The following METTL8 variants were observed in gnomAD, a reference collection of about 807,000 sequenced individuals.
METTL8 encodes methyltransferase 8, tRNA N3-cytidine.
In METTL8, 32 loss-of-function variants were observed where a neutral mutation model predicts 48.7. The ratio of observed to expected loss-of-function variants is 0.66; its 90% CI spans 0.50 to 0.88. The LOEUF is 0.88. Ranked by LOEUF, METTL8 falls within the 40% of genes least tolerant of loss-of-function variation. The pLI is 0.00. For missense variants in METTL8, 464 were observed against 474.4 expected, an observed-to-expected ratio of 0.98 and a Z score of 0.20; for synonymous variants, 136 against 157.1, an observed-to-expected ratio of 0.87 and a Z score of 1.01.
chr2:171,384,892 T>C (rs960545622), intron 2 of METTL8, among the ~76,000 whole-genome samples: 2 of 152,076 alleles, frequency 1.3e-5, no homozygotes, highest in African/African-American at 4.8e-5. Flanking sequence ...ATATAAGTAC[T>C]AGTAATACAA....
chr2:171,356,952 A>ATGTTTTTTTTTTTTGT, intron 3 of METTL8, among the ~76,000 whole-genome samples: 2 of 78,468 alleles, frequency 2.5e-5, no homozygotes, highest in South Asian at 5.2e-4. Context: ...CAAAGACAAT[A>ATGTTTTTTTTTTTTGT]TTTTTTTTTT....
chr2:171,423,629 C>A (rs1239287161), intron 1 of METTL8, among the ~76,000 whole-genome samples: 1 of 152,144 alleles, frequency 6.6e-6, no homozygotes, highest in African/African-American at 2.4e-5. Flanking sequence ...ATACTGGAGG[C>A]ATTTTGTCCC....
At chr2:171,408,785 G>A (rs904245971) in intron 1 of METTL8, among the ~76,000 whole-genome samples, 1 of 152,144 alleles carries the variant, frequency 6.6e-6, no homozygotes, top group Non-Finnish European at 1.5e-5. Context: ...CCTCTGGCAT[G>A]ATACCTAACT....
chr2:171,327,385 T>C (rs567200725), intron 7 of METTL8, among the ~76,000 whole-genome samples: 58 of 152,362 alleles, frequency 3.8e-4, no homozygotes, highest in Non-Finnish European at 6.6e-4. Context: ...ATAAAGCTCA[T>C]TGCGAGTTAC....
intron 3 of METTL8, among the ~76,000 whole-genome samples, chr2:171,351,395 G>A (rs545598314): frequency 3.4e-4 from 52 of 152,290 alleles, no homozygotes; most frequent in Middle Eastern, 3.4e-3. Context: ...GTCAGGTAGC[G>A]TGATGCCTCC....
At chr2:171,414,980 C>A (rs1691153202) in intron 1 of METTL8, among the ~76,000 whole-genome samples, 1 of 152,144 alleles carries the variant, frequency 6.6e-6, no homozygotes, top group Non-Finnish European at 1.5e-5. Context: ...CATTCTCTCT[C>A]TTGCCTGCTG....
chr2:171,404,063 A>ATATATG (rs1186291924), intron 1 of METTL8, among the ~76,000 whole-genome samples: 2 of 50,228 alleles, frequency 4.0e-5, no homozygotes, highest in East Asian at 4.3e-3. Flanking sequence ...ATATATATAT[A>ATATATG]TATATATATA....
chr2:171,326,043 C>G lies in METTL8; in HGVS notation c.966G>C (p.Lys322Asn). ...ACCTCAAACTGAATATACTATTACC[C>G]TTTTTAAAACGAAGCTGAGTCTTAT... ...RYDKTQLRFK[K>N]GHCLSENFYV... Residue 322 changes from lysine to asparagine, a missense_variant and splice_region_variant, in exon 8 of 10, where the codon AAG becomes AAC. Physicochemically the swap from Lys to Asn is moderately conservative, Grantham distance 94. Transcript: ENST00000375258. 6.6e-7 allele frequency: 1 copy of G among 1,513,916 alleles called. No homozygotes were observed. Among genetic ancestry groups the G allele is most frequent in the Non-Finnish European group, 9.0e-7 (1 of 1,115,286 alleles). The allele number at this position is 1,513,916 out of a possible 1,614,324, so 93.8% of individuals were successfully genotyped here.
intron 2 of METTL8, among the ~76,000 whole-genome samples, chr2:171,364,971 A>G (rs1422798728): frequency 2.6e-5 from 4 of 152,228 alleles, no homozygotes; most frequent in African/African-American, 7.2e-5. Context: ...AGGTTAAAGG[A>G]AAAAATAGTT....
intron 1 of METTL8, among the ~76,000 whole-genome samples, chr2:171,430,773 A>G (rs981170695): frequency 1.3e-5 from 2 of 152,150 alleles, no homozygotes; most frequent in East Asian, 1.9e-4. Flanking sequence ...GCCTAGCTAC[A>G]TGTCCTGGAT....
At chr2:171,355,899 G>A (rs111676775) in intron 3 of METTL8, among the ~76,000 whole-genome samples, 4 of 152,166 alleles carry the variant, frequency 2.6e-5, no homozygotes, top group South Asian at 2.1e-4. Flanking sequence ...GGGAATTCCC[G>A]GAACCCTTGC....
Position 171,339,394 on chromosome 2 carries a change from A to G in METTL8, c.396T>C (p.His132=), listed in dbSNP as rs749035432. 5 of 1,613,384 alleles carry G rather than the reference A, an allele frequency of 3.1e-6. No individual in the cohort carries two copies. Among genetic ancestry groups the G allele is most frequent in the African/African-American group, 1.3e-5 (1 of 74,912 alleles). ...AACGATTTGTAGCACTAGTTTTTACATGATCCCATGATGATTCTCTCGCCT... is the reference window on the plus strand; with the variant it reads ...AACGATTTGTAGCACTAGTTTTTACGTGATCCCATGATGATTCTCTCGCCT... The part of the protein sequence containing the change: ...EEKARESSWD[H]VKTSATNRFS... The change falls in exon 4 of 10, where the codon CAT becomes CAC. Residue 132 remains histidine, a synonymous_variant. Transcript: ENST00000375258.
chr2:171,324,476 A>G, intron 9 of METTL8, 114 bp from the exon 10 acceptor site: 1 of 930,746 alleles, frequency 1.1e-6, no homozygotes, highest in Admixed American at 3.0e-5. Context: ...TACAAGAAAC[A>G]CTCTCTAGAA....
rs1176611510 is a variant in METTL8, at chr2:171,316,428, G to A, written c.*7744C>T. Among the ~76,000 whole-genome samples the A allele has an allele frequency of 2.0e-5, 3 of 152,352 alleles. No individual in the cohort carries two copies. The South Asian group carries it at 6.2e-4, about 32-fold the overall frequency. On this transcript the variant is annotated 3_prime_UTR_variant, in exon 10 of 10. Transcript: ENST00000375258. The stretch of plus-strand genomic sequence containing the variant: ...AGTATTTCCTTGCACTATTTGGCAA[G>A]AGAAAGAAGCACCTGGAGAGTGAGT...
chr2:171,410,694 CTT>C (rs1435492378), intron 1 of METTL8, among the ~76,000 whole-genome samples: 1 of 152,224 alleles, frequency 6.6e-6, no homozygotes, highest in Non-Finnish European at 1.5e-5. Flanking sequence ...ATGGCAAACT[CTT>C]TGCTTTAGAA....
chr2:171,362,665 T>C (rs936205663), intron 2 of METTL8, among the ~76,000 whole-genome samples: 5 of 152,076 alleles, frequency 3.3e-5, no homozygotes, highest in Admixed American at 3.3e-4. Context: ...GTTTCATAGA[T>C]AAAAGTTTAA....
At chr2:171,328,993 AT>A (rs113422093) in intron 7 of METTL8, among the ~76,000 whole-genome samples, 27 of 119,158 alleles carry the variant, frequency 2.3e-4, no homozygotes, top group African/African-American at 3.6e-4. Context: ...CCAGCCTTTT[AT>A]TTTTTTTTTG....
intron 3 of METTL8, among the ~76,000 whole-genome samples, chr2:171,347,284 T>C (rs1242762559): frequency 2.0e-5 from 3 of 152,320 alleles, no homozygotes; most frequent in Non-Finnish European, 4.4e-5. Context: ...TGCCTGCCTT[T>C]CCTGCTTCTA....
At chr2:171,333,105 T>C (rs1367473478) in intron 5 of METTL8, among the ~76,000 whole-genome samples, 2 of 151,522 alleles carry the variant, frequency 1.3e-5, no homozygotes, top group African/African-American at 2.4e-5. Flanking sequence ...CTTTTCTTTT[T>C]TTTTTTTGAG....
Sources: allele counts gnomAD v4.1 joint callset (sites outside exome capture counted in the v4.1 genomes callset), GRCh38; gene constraint gnomAD v4.1.1; transcripts MANE v1.5; gene names NCBI Gene and HGNC (gene_info 2026-07-23, HGNC 2026-07-21).